The following DPP10 variants were observed in gnomAD, a reference collection of about 807,000 sequenced individuals.
DPP10 encodes the protein inactive dipeptidyl peptidase 10.
Under a neutral mutation model 120.9 loss-of-function variants are expected in DPP10, and 33 were observed. The observed-to-expected ratio is 0.27, with a 90% CI of 0.21 to 0.37. The LOEUF (loss-of-function observed/expected upper bound fraction) is 0.37. Among genes scored for constraint, DPP10 ranks in the 10% least tolerant of loss-of-function variants. DPP10 has a pLI of 1.00. For missense variants in DPP10, 816 were observed against 942.8 expected, an observed-to-expected ratio of 0.87 and a Z score of 1.76; for synonymous variants, 337 against 326.1, an observed-to-expected ratio of 1.03 and a Z score of -0.36.
intron 1 of DPP10, among the ~76,000 whole-genome samples, chr2:114,494,113 A>AAC (rs2104455708): frequency 6.9e-6 from 1 of 143,936 alleles, no homozygotes; most frequent in Non-Finnish European, 1.5e-5. Flanking sequence ...AAAAAAAAAA[A>AAC]AAAAAAAACC....
At chr2:115,102,645 G>A (rs1226278957) in intron 1 of DPP10, among the ~76,000 whole-genome samples, 2 of 151,912 alleles carry the variant, frequency 1.3e-5, no homozygotes, top group African/African-American at 4.8e-5. Context: ...TTGGGACTTT[G>A]TGATCCACCC....
At position 114,524,999 on chromosome 2, in the gene DPP10, A is replaced by G. The variant is rs140532462; in HGVS notation, c.60+82161A>G. On this transcript the variant is annotated intron_variant, in intron 1 of 25. Transcript: ENST00000410059. ...CTGTGATCTGAGGAACGTAGAATTC[A>G]GCATAGTGTGCTGGGAAGTGGCAAT... is the stretch of plus-strand genomic sequence containing the variant. Among the ~76,000 whole-genome samples the G allele has an allele frequency of 2.5e-3, 383 of 152,318 alleles. 3 individuals are homozygous for G. Among genetic ancestry groups the G allele is most frequent in the African/African-American group, 8.8e-3 (365 of 41,570 alleles).
intron 3 of DPP10, among the ~76,000 whole-genome samples, chr2:115,480,045 G>A (rs1401141199): frequency 6.6e-6 from 1 of 152,080 alleles, no homozygotes; most frequent in African/African-American, 2.4e-5. Flanking sequence ...GGGTGCTGCA[G>A]GCCATAACCA....
intron 7 of DPP10, among the ~76,000 whole-genome samples, chr2:115,717,117 A>T (rs1434850077): frequency 4.6e-5 from 7 of 152,170 alleles, no homozygotes. Context: ...CCTACCTGGG[A>T]AGAAAGAGTA....
chr2:115,492,946 G>A (rs1417011928), intron 3 of DPP10, among the ~76,000 whole-genome samples: 1 of 152,066 alleles, frequency 6.6e-6, no homozygotes, highest in Admixed American at 6.6e-5. Flanking sequence ...TGAAAAGTTT[G>A]GACAAGATCT....
At chr2:114,588,857 T>C (rs151013713) in intron 1 of DPP10, among the ~76,000 whole-genome samples, 1 of 152,284 alleles carries the variant, frequency 6.6e-6, no homozygotes, top group East Asian at 1.9e-4. Flanking sequence ...TTACGGATTT[T>C]TGTTGTATGT....
intron 1 of DPP10, among the ~76,000 whole-genome samples, chr2:114,767,554 A>G (rs1680849750): frequency 6.6e-6 from 1 of 152,150 alleles, no homozygotes; most frequent in African/African-American, 2.4e-5. Flanking sequence ...GAAAATACTA[A>G]AAGCATTCAG....
At position 114,800,030 on chromosome 2, in the gene DPP10, C is replaced by A. The variant is rs1574218095; in HGVS notation, c.60+357192C>A. Among the ~76,000 whole-genome samples the A allele has an allele frequency of 2.6e-5, 4 of 152,202 alleles. No homozygotes were observed. The East Asian group carries it at 7.7e-4, about 29-fold the overall frequency. On this transcript the variant is annotated intron_variant, in intron 1 of 25. Coordinates refer to ENST00000410059, the MANE Select transcript of DPP10 (RefSeq NM_020868.6). ...GCTCAGTTTAACACACTTCCCTTCA[C>A]TATGCTTAGAAGAAAATGAGGTGTA...
At chr2:115,781,499 A>T (rs1009113584) in intron 16 of DPP10, among the ~76,000 whole-genome samples, 1 of 151,924 alleles carries the variant, frequency 6.6e-6, no homozygotes, top group Non-Finnish European at 1.5e-5. Flanking sequence ...GTAGTCTTAC[A>T]TGTTTATACA....
At chr2:115,128,396 G>C (rs1204867116) in intron 1 of DPP10, among the ~76,000 whole-genome samples, 2 of 152,260 alleles carry the variant, frequency 1.3e-5, no homozygotes, top group East Asian at 3.9e-4. Context: ...AGTGATCGCT[G>C]TTCTCCCTAA....
At chr2:115,357,710 C>T (rs2064489651) in intron 3 of DPP10, among the ~76,000 whole-genome samples, 1 of 152,232 alleles carries the variant, frequency 6.6e-6, no homozygotes, top group African/African-American at 2.4e-5. Context: ...TCTGCTCTAT[C>T]CTAGCAGAGG....
intron 1 of DPP10, among the ~76,000 whole-genome samples, chr2:115,152,676 C>G (rs541410952): frequency 6.6e-6 from 1 of 152,276 alleles, no homozygotes; most frequent in South Asian, 2.1e-4. Flanking sequence ...TCAATTTTGA[C>G]TCCACTTCTA....
chr2:114,833,850 T>C (rs1687361989), intron 1 of DPP10: 1 of 152,174 alleles, frequency 6.6e-6, no homozygotes, highest in South Asian at 2.1e-4. Context: ...ATGGTCAAAA[T>C]CATAAACCCT....
chr2:114,877,583 A>T (rs1385677420), intron 1 of DPP10, among the ~76,000 whole-genome samples: 2 of 152,092 alleles, frequency 1.3e-5, no homozygotes. Context: ...GCCAACAGTG[A>T]ACGGCGGACA....
At chr2:115,299,971 C>T (rs1574342758) in intron 1 of DPP10, among the ~76,000 whole-genome samples, 1 of 152,040 alleles carries the variant, frequency 6.6e-6, no homozygotes, top group African/African-American at 2.4e-5. Context: ...AGATTCTCTA[C>T]ATCCTTCAAG....
chr2:115,526,022 G>A (rs775345874), intron 5 of DPP10, 50 bp downstream of exon 5: 1 of 1,436,528 alleles, frequency 7.0e-7, no homozygotes, highest in Non-Finnish European at 9.6e-7. Context: ...ATGCATTGGG[G>A]TGACAATGCA....
chr2:115,804,933 G>A (rs1685738763), intron 19 of DPP10, among the ~76,000 whole-genome samples: 1 of 152,206 alleles, frequency 6.6e-6, no homozygotes, highest in South Asian at 2.1e-4. Flanking sequence ...CTGCATGCTG[G>A]GAAAACTACT....
intron 1 of DPP10, among the ~76,000 whole-genome samples, chr2:114,841,143 A>G (rs1202603695): frequency 6.6e-6 from 1 of 152,204 alleles, no homozygotes; most frequent in Non-Finnish European, 1.5e-5. Flanking sequence ...AATAACTATT[A>G]ATTACAGATA....
At chr2:115,833,389 G>A (rs180788579) in intron 21 of DPP10, among the ~76,000 whole-genome samples, 116 of 152,196 alleles carry the variant, frequency 7.6e-4, no homozygotes, top group African/African-American at 2.5e-3. Context: ...TCTTGCCTAC[G>A]GGAAATACTT....
Sources: allele counts gnomAD v4.1 joint callset (sites outside exome capture counted in the v4.1 genomes callset), GRCh38; gene constraint gnomAD v4.1.1; transcripts MANE v1.5; gene names NCBI Gene and HGNC (gene_info 2026-07-23, HGNC 2026-07-21).